Variants in LZTS1 observed in about 807,000 individuals in gnomAD.
LZTS1 encodes the protein leucine zipper putative tumor suppressor 1.
A neutral mutation model predicts 45.8 loss-of-function variants in LZTS1; 31 were observed. The observed-to-expected ratio is 0.68, with a 90% CI of 0.51 to 0.91. LZTS1 has a LOEUF of 0.91. LZTS1 is among the 40% of genes least tolerant of loss of function. The probability of loss-of-function intolerance (pLI) is 0.00; values close to 1 mark genes in which losing one functional copy is unlikely to be tolerated. For synonymous variants in LZTS1, 359 were observed against 357.3 expected, an observed-to-expected ratio of 1.00 and a Z score of -0.05; for missense variants, 821 against 788.9, an observed-to-expected ratio of 1.04 and a Z score of -0.49.
In LZTS1 at chr8:20,255,068, G is replaced by A. The variant is rs777378841; in HGVS notation, c.114C>T (p.Ser38=). 18 of 1,614,196 alleles carry A rather than the reference G, an allele frequency of 1.1e-5. No homozygotes were observed. Among genetic ancestry groups the A allele is most frequent in the Middle Eastern group, 1.7e-4 (1 of 6,060 alleles). ...AGAAGCCAAACCTCAGCAGCCCGTC[G>A]GAATACCGGTTGAGCTTCTTGAGGT... ...SSHLKKLNRY[S]DGLLRFGFSQ... Residue 38 remains serine, a synonymous_variant, in exon 2 of 4, where the codon TCC becomes TCT. Coordinates refer to ENST00000381569, the MANE Select transcript of LZTS1 (RefSeq NM_021020.5).
At chr8:20,279,940 T>C (rs1353718109) in intron 1 of LZTS1, among the ~76,000 whole-genome samples, 1 of 148,310 alleles carries the variant, frequency 6.7e-6, no homozygotes, top group African/African-American at 2.5e-5. Flanking sequence ...TTAGCCATGA[T>C]CTCTGGGTGA....
intron 1 of LZTS1, among the ~76,000 whole-genome samples, chr8:20,273,584 G>A (rs898464128): frequency 3.9e-5 from 6 of 152,010 alleles, no homozygotes; most frequent in Admixed American, 2.0e-4. Context: ...GCCAGAAACC[G>A]GTCCCAAGAA....
rs1391893652 is a variant in LZTS1, at chr8:20,250,037, G to T, written c.1476C>A (p.Thr492=). The T allele has an allele frequency of 6.2e-7, 1 of 1,610,134 alleles. No homozygotes were observed. The highest frequency in any genetic ancestry group is 8.5e-7 in the Non-Finnish European group (1 of 1,179,210). Reference sequence around the variant, plus strand: ...GCAGGGCAGGGACGTCCTCGGGGAAGGTGGGCGGCCCCATGTCGCGGGCCA... The same window carrying T: ...GCAGGGCAGGGACGTCCTCGGGGAATGTGGGCGGCCCCATGTCGCGGGCCA... ...AALARDMGPP[T]FPEDVPALQR... Residue 492 remains threonine, a synonymous_variant, in exon 4 of 4, where the codon ACC becomes ACA. Coordinates refer to ENST00000381569, the MANE Select transcript of LZTS1 (RefSeq NM_021020.5).
chr8:20,271,916 G>A (rs113969638), intron 1 of LZTS1, among the ~76,000 whole-genome samples: 21 of 152,340 alleles, frequency 1.4e-4, no homozygotes, highest in African/African-American at 4.8e-4. Context: ...TGGGGCAGCC[G>A]CAGCTGGGGG....
At chr8:20,273,103 C>T (rs1800505766) in intron 1 of LZTS1, among the ~76,000 whole-genome samples, 1 of 152,184 alleles carries the variant, frequency 6.6e-6, no homozygotes, top group Non-Finnish European at 1.5e-5. Context: ...CGGGATGTTG[C>T]TAAATCCAAT....
intron 1 of LZTS1, among the ~76,000 whole-genome samples, chr8:20,286,312 T>G (rs1331687849): frequency 3.3e-5 from 5 of 152,026 alleles, no homozygotes; most frequent in Non-Finnish European, 5.9e-5. Flanking sequence ...AGAAACCAAA[T>G]TTAAAATGAG....
chr8:20,277,922 C>G (rs1476247), intron 1 of LZTS1, among the ~76,000 whole-genome samples: 132,252 of 152,068 alleles, frequency 0.87, 57,928 homozygotes, highest in East Asian at 0.98. Flanking sequence ...TGTGGAAACA[C>G]TCCCATCTAC....
intron 1 of LZTS1, among the ~76,000 whole-genome samples, chr8:20,269,447 C>A (rs1302703496): frequency 6.6e-6 from 1 of 152,204 alleles, no homozygotes; most frequent in East Asian, 1.9e-4. Context: ...ATTTTTAACA[C>A]CCAGAGTGGA....
At position 20,303,607 on chromosome 8, in the gene LZTS1, G is replaced by C. The variant is rs940520003; in HGVS notation, c.-135+133C>G. 1.5e-5 allele frequency: 12 copies of C among 783,132 alleles called. No homozygotes were observed. The East Asian group carries it at 1.0e-3, about 67-fold the overall frequency. The allele number at this position is 783,132 out of a possible 1,614,324, so 48.5% of individuals were successfully genotyped here. A position where few individuals can be genotyped will look rare whatever the true frequency, so the allele number is the denominator to read the frequency against. The stretch of plus-strand genomic sequence containing the variant: ...GAGACAAAGACACCTCGACAGCCAC[G>C]GACACAGACAGACAAAGACCGACGG... On this transcript the variant is annotated intron_variant, in intron 1 of 3. Transcript: ENST00000381569.
At chr8:20,268,496 T>C (rs1051376896) in intron 1 of LZTS1, among the ~76,000 whole-genome samples, 4 of 150,100 alleles carry the variant, frequency 2.7e-5, no homozygotes, top group African/African-American at 7.4e-5. Flanking sequence ...TGACCCTTCC[T>C]CCCATTTGCT....
At chr8:20,256,824 G>A (rs1800114693) in intron 1 of LZTS1, among the ~76,000 whole-genome samples, 1 of 152,260 alleles carries the variant, frequency 6.6e-6, no homozygotes, top group East Asian at 1.9e-4. Context: ...GCTGGGAGCT[G>A]CAGATGCACT....
At chr8:20,296,085 G>C (rs1800974287) in intron 1 of LZTS1, among the ~76,000 whole-genome samples, 1 of 152,212 alleles carries the variant, frequency 6.6e-6, no homozygotes, top group South Asian at 2.1e-4. Context: ...TGGAAGTACA[G>C]CAAGTTGAGA....
chr8:20,275,120 G>A (rs948376270), intron 1 of LZTS1, among the ~76,000 whole-genome samples: 25 of 152,270 alleles, frequency 1.6e-4, no homozygotes, highest in African/African-American at 6.0e-4. Flanking sequence ...AAAGAATTAT[G>A]GTTGGGCGCC....
intron 1 of LZTS1, among the ~76,000 whole-genome samples, chr8:20,268,435 A>T (rs1001488502): frequency 4.0e-5 from 6 of 151,368 alleles, no homozygotes; most frequent in Non-Finnish European, 8.8e-5. Context: ...ACTCTGCCCG[A>T]TTCAGCTTTC....
At chr8:20,287,128 C>T (rs942300687) in intron 1 of LZTS1, among the ~76,000 whole-genome samples, 25 of 152,214 alleles carry the variant, frequency 1.6e-4, no homozygotes, top group African/African-American at 5.5e-4. Flanking sequence ...GTGGTTCTTT[C>T]TGCCCAATTT....
chr8:20,281,344 G>A (rs1800687910), intron 1 of LZTS1, among the ~76,000 whole-genome samples: 1 of 151,198 alleles, frequency 6.6e-6, no homozygotes, highest in South Asian at 2.1e-4. Context: ...CAGATCACCT[G>A]AGGTCAGCAG....
intron 1 of LZTS1, among the ~76,000 whole-genome samples, chr8:20,256,737 TG>T (rs1037460020): frequency 6.6e-6 from 1 of 152,168 alleles, no homozygotes; most frequent in African/African-American, 2.4e-5. Flanking sequence ...GGAGTTTGGT[TG>T]AAGACATTCA....
intron 1 of LZTS1, chr8:20,290,231 A>T (rs1041037139): frequency 6.6e-6 from 1 of 152,140 alleles, no homozygotes; most frequent in Admixed American, 6.5e-5. Flanking sequence ...GAAGCTAAGC[A>T]GGGTCGGGCC....
intron 1 of LZTS1, among the ~76,000 whole-genome samples, chr8:20,264,725 C>T (rs1053751310): frequency 3.9e-5 from 6 of 152,176 alleles, no homozygotes; most frequent in African/African-American, 1.4e-4. Flanking sequence ...GGCAGGACCT[C>T]GGCCGTCCTC....
Sources: allele counts gnomAD v4.1 joint callset (sites outside exome capture counted in the v4.1 genomes callset), GRCh38; gene constraint gnomAD v4.1.1; transcripts MANE v1.5; gene names NCBI Gene and HGNC (gene_info 2026-07-23, HGNC 2026-07-21).